Variants in EMSY observed in about 807,000 individuals in gnomAD.
EMSY encodes the protein EMSY transcriptional repressor, BRCA2 interacting, also known as BRCA2-interacting transcriptional repressor EMSY.
A neutral mutation model predicts 134.6 loss-of-function variants in EMSY; 26 were observed. The observed-to-expected ratio is 0.19, with a 90% CI of 0.14 to 0.27. The LOEUF is 0.27. EMSY is among the 10% of genes least tolerant of loss of function. The pLI is 1.00. For missense variants in EMSY, 1,305 were observed against 1,611.4 expected (o/e 0.81, Z 3.26); for synonymous variants, 579 against 577.8 (o/e 1.00, Z -0.03).
intron 9 of EMSY, among the ~76,000 whole-genome samples, chr11:76,499,725 T>C (rs1949788339): frequency 1.3e-5 from 2 of 152,206 alleles, no homozygotes; most frequent in African/African-American, 4.8e-5. Flanking sequence ...ATTTGTAGTT[T>C]ACTTGAAGAA....
intron 8 of EMSY, among the ~76,000 whole-genome samples, chr11:76,473,578 G>A (rs1255566792): frequency 6.6e-6 from 1 of 151,988 alleles, no homozygotes; most frequent in Non-Finnish European, 1.5e-5. Flanking sequence ...CGAAGTGCTG[G>A]TATGACAGGC....
chr11:76,482,443 C>T (rs1328820053), intron 8 of EMSY, among the ~76,000 whole-genome samples: 1 of 152,134 alleles, frequency 6.6e-6, no homozygotes, highest in Non-Finnish European at 1.5e-5. Flanking sequence ...TGGATATTAA[C>T]AAACCTCCCC....
chr11:76,552,343 G>T (rs1951855604), downstream of EMSY: 1 of 152,024 alleles, frequency 6.6e-6, no homozygotes, highest in Non-Finnish European at 1.5e-5. Context: ...CAATACTTAG[G>T]TTTTTTTATA....
Position 76,523,792 on chromosome 11 carries a change from C to T in EMSY, c.1821+501C>T, listed in dbSNP as rs151150279. ...GGGTGTGGTGGCACATGTCTGTAAT[C>T]CCAGCTGGTTGGGAGGCTGAGGTGG... On this transcript the variant is annotated intron_variant, in intron 12 of 20. Transcript: ENST00000334736. Among the ~76,000 whole-genome samples the T allele has an allele frequency of 4.5e-3, 604 of 135,600 alleles. 6 individuals carry two copies. Among genetic ancestry groups the T allele is most frequent in the African/African-American group, 0.016 (577 of 35,654 alleles). 89.0% of individuals were successfully genotyped at this position (135,600 alleles called of 152,430 possible). A position where few individuals can be genotyped will look rare whatever the true frequency, so the allele number is the denominator to read the frequency against.
Position 76,496,194 on chromosome 11 carries a change from T to A in EMSY, c.1109-21T>A, listed in dbSNP as rs563055892. ...TTTGCTTTCCTATCAAATTCTCTTT[T>A]CCCTTACTCCTTTTCTACAGGTGTA... On this transcript the variant is annotated intron_variant, in intron 8 of 20. Coordinates refer to ENST00000334736, the Ensembl canonical transcript of EMSY. 4.0e-5 allele frequency: 63 copies of A among 1,583,830 alleles called. No homozygotes were observed. The South Asian group carries it at 7.3e-4, about 18-fold the overall frequency.
At chr11:76,524,874 T>C (rs893515645) in intron 12 of EMSY, among the ~76,000 whole-genome samples, 14 of 152,082 alleles carry the variant, frequency 9.2e-5, no homozygotes, top group Non-Finnish European at 1.9e-4. Context: ...ATTACAAAAA[T>C]TAGCGTGAAG....
At chr11:76,475,774 G>GT (rs1180809882) in intron 8 of EMSY, among the ~76,000 whole-genome samples, 1 of 152,216 alleles carries the variant, frequency 6.6e-6, no homozygotes, top group Non-Finnish European at 1.5e-5. Context: ...AGCAGCTCCT[G>GT]TGTGGGTACA....
intron 16 of EMSY, 151 bp downstream of exon 17, chr11:76,538,101 C>A: frequency 1.5e-6 from 1 of 674,170 alleles, no homozygotes; most frequent in Non-Finnish European, 2.3e-6. Flanking sequence ...TGGGATTTAC[C>A]CTGTCTTTAA....
In EMSY at chr11:76,489,432, A is replaced by G. The variant is rs139415443; in HGVS notation, c.1109-6783A>G. Among the ~76,000 whole-genome samples the G allele has an allele frequency of 4.3e-4, 65 of 150,198 alleles. No individual in the cohort carries two copies. In the South Asian group the frequency reaches 5.2e-3, roughly 12 times the overall value. ...TCCCTTTAATTCTGTCAGTTTTTAT[A>G]CACACACACTTAGGATTATTGTGTC... On this transcript the variant is annotated intron_variant, in intron 8 of 20. Coordinates refer to ENST00000334736, the Ensembl canonical transcript of EMSY.
At chr11:76,549,237 C>T (rs1339473403) in intron 20 of EMSY, among the ~76,000 whole-genome samples, 1 of 152,122 alleles carries the variant, frequency 6.6e-6, no homozygotes, top group Non-Finnish European at 1.5e-5. Context: ...AGTACAAAAG[C>T]ACTAATGTAC....
exon 21 of EMSY, chr11:76,550,900 T>C (rs1416040284): frequency 6.6e-6 from 1 of 152,496 alleles, no homozygotes; most frequent in Non-Finnish European, 1.5e-5. Context: ...ACTGTCGTCG[T>C]CTCCCCACTT....
At chr11:76,523,975 G>C (rs184332980) in intron 12 of EMSY, among the ~76,000 whole-genome samples, 1 of 151,954 alleles carries the variant, frequency 6.6e-6, no homozygotes, top group Admixed American at 6.6e-5. Context: ...ACATGAGCCC[G>C]GGAGTTTGAG....
At chr11:76,551,281 A>G (rs2136942636) in exon 21 of EMSY, 1 of 152,810 alleles carries the variant, frequency 6.5e-6, no homozygotes, top group Middle Eastern at 3.4e-3. Flanking sequence ...AGTTTTGACA[A>G]GTTGTGGCAA....
At position 76,502,547 on chromosome 11, in the gene EMSY, CA is replaced by C. The variant is rs1275191696; in HGVS notation, c.1363+6086del. 1.9e-4 allele frequency among the ~76,000 whole-genome samples: 26 copies of C among 138,056 alleles called. No homozygotes were observed. In the East Asian group the frequency reaches 5.1e-3, roughly 27 times the overall value. 90.6% of individuals were successfully genotyped at this position (138,056 alleles called of 152,430 possible). On this transcript the variant is annotated intron_variant, in intron 9 of 20. Coordinates refer to ENST00000334736, the Ensembl canonical transcript of EMSY. Reference sequence around the variant, plus strand: ...TATATTATTAAAAAAAAACAAAAAACAAAAAAAACCACTAAGGAATCTACTA... The same window carrying C: ...TATATTATTAAAAAAAAACAAAAAACAAAAAAACCACTAAGGAATCTACTA...
intron 14 of EMSY, 75 bp downstream of exon 15, chr11:76,528,541 C>A: frequency 2.9e-5 from 29 of 989,092 alleles, no homozygotes; most frequent in Non-Finnish European, 4.0e-5. Context: ...GAGGTTGCTT[C>A]TACACATTTC....
At chr11:76,451,650 A>G (rs536063910) in intron 2 of EMSY, among the ~76,000 whole-genome samples, 1 of 152,360 alleles carries the variant, frequency 6.6e-6, no homozygotes, top group Admixed American at 6.5e-5. Context: ...AACATTTTAT[A>G]TACATGACTT....
At chr11:76,506,674 C>A (rs1950089935) in intron 9 of EMSY, among the ~76,000 whole-genome samples, 1 of 152,128 alleles carries the variant, frequency 6.6e-6, no homozygotes, top group South Asian at 2.1e-4. Flanking sequence ...ATCCACCCGC[C>A]CCTATCACAT....
At position 76,518,198 on chromosome 11, in the gene EMSY, A is replaced by G. The variant is rs573562408; in HGVS notation, c.1684+1886A>G. Among the ~76,000 whole-genome samples the G allele has an allele frequency of 2.2e-5, 3 of 138,122 alleles. No individual in the cohort carries two copies. The South Asian group carries it at 6.9e-4, about 32-fold the overall frequency. The allele number at this position is 138,122 out of a possible 152,430, so 90.6% of individuals were successfully genotyped here. A position where few individuals can be genotyped will look rare whatever the true frequency, so the allele number is the denominator to read the frequency against. ...TTTTTTTTTTTTTTTAAGACAGAGT[A>G]TCACTCTGTTGCCCAGGCCAGGGTG... is the stretch of plus-strand genomic sequence containing the variant. On this transcript the variant is annotated intron_variant, in intron 11 of 20. Coordinates refer to ENST00000334736, the Ensembl canonical transcript of EMSY.
intron 8 of EMSY, among the ~76,000 whole-genome samples, chr11:76,490,482 C>T (rs1438209739): frequency 2.6e-5 from 4 of 152,210 alleles, no homozygotes; most frequent in East Asian, 1.9e-4. Flanking sequence ...TTAGAGCTTA[C>T]AGTATGCATT....
Sources: allele counts gnomAD v4.1 joint callset (sites outside exome capture counted in the v4.1 genomes callset), GRCh38; gene constraint gnomAD v4.1.1; transcripts MANE v1.5; gene names NCBI Gene and HGNC (gene_info 2026-07-23, HGNC 2026-07-21).